Variants in PTPRD observed in about 807,000 individuals in gnomAD.
PTPRD encodes receptor-type tyrosine-protein phosphatase delta.
PTPRD carries 34 observed loss-of-function variants against 214.5 expected under a neutral mutation model. The ratio of observed to expected loss-of-function variants is 0.16; its 90% CI spans 0.12 to 0.21. The LOEUF is 0.21. PTPRD is among the 10% of genes least tolerant of loss of function. PTPRD has a pLI of 1.00. For synonymous variants in PTPRD, 1,128 were observed against 845.7 expected, an observed-to-expected ratio of 1.33 and a Z score of -5.79; for missense variants, 2,545 against 2,398.7, an observed-to-expected ratio of 1.06 and a Z score of -1.27.
intron 7 of PTPRD, among the ~76,000 whole-genome samples, chr9:9,669,860 T>C (rs905622466): frequency 6.6e-6 from 1 of 152,170 alleles, no homozygotes; most frequent in Non-Finnish European, 1.5e-5. Flanking sequence ...CAAATGTCAA[T>C]GATTATAGCC....
chr9:10,296,793 G>A (rs574379150), intron 3 of PTPRD, among the ~76,000 whole-genome samples: 2 of 152,180 alleles, frequency 1.3e-5, no homozygotes, highest in Admixed American at 6.6e-5. Flanking sequence ...GGTTTTCACT[G>A]TCATTGCTTC....
chr9:9,860,787 T>G (rs1057220978), intron 5 of PTPRD, among the ~76,000 whole-genome samples: 9 of 152,182 alleles, frequency 5.9e-5, no homozygotes, highest in Admixed American at 3.3e-4. Context: ...TTGTGTCTAG[T>G]GGTATCCCTT....
At chr9:9,399,273 G>C (rs941210546) in intron 8 of PTPRD, among the ~76,000 whole-genome samples, 1 of 151,908 alleles carries the variant, frequency 6.6e-6, no homozygotes, top group African/African-American at 2.4e-5. Context: ...TAAGAGGGAG[G>C]ACTTTATTAG....
intron 14 of PTPRD, among the ~76,000 whole-genome samples, chr9:8,577,892 C>A (rs552713670): frequency 6.6e-6 from 1 of 152,080 alleles, no homozygotes; most frequent in Non-Finnish European, 1.5e-5. Flanking sequence ...GATTCTGATG[C>A]GTACTGATGT....
intron 4 of PTPRD, among the ~76,000 whole-genome samples, chr9:10,028,533 G>C (rs944042928): frequency 1.6e-4 from 24 of 152,158 alleles, no homozygotes; most frequent in African/African-American, 4.6e-4. Context: ...TAATGATATG[G>C]ATAATGAAAT....
chr9:8,934,819 A>T (rs954939928), intron 11 of PTPRD, among the ~76,000 whole-genome samples: 1 of 151,478 alleles, frequency 6.6e-6, no homozygotes, highest in Non-Finnish European at 1.5e-5. Flanking sequence ...CTGCATCTGT[A>T]TGTTCAGCTT....
intron 21 of PTPRD, among the ~76,000 whole-genome samples, chr9:8,509,579 G>T (rs977105825): frequency 6.6e-6 from 1 of 152,114 alleles, no homozygotes; most frequent in African/African-American, 2.4e-5. Context: ...TGCTTGTTAC[G>T]CATTTCTTCC....
chr9:9,596,878 C>T (rs577321954), intron 7 of PTPRD, among the ~76,000 whole-genome samples: 1 of 152,150 alleles, frequency 6.6e-6, no homozygotes, highest in Non-Finnish European at 1.5e-5. Flanking sequence ...ATATCATTCA[C>T]AGATCACACA....
Position 9,972,666 on chromosome 9 carries a change from C to G in PTPRD, c.-471-34056G>C, listed in dbSNP as rs116411361. On this transcript the variant is annotated intron_variant, in intron 4 of 45. Coordinates refer to ENST00000381196, the MANE Select transcript of PTPRD (RefSeq NM_002839.4). ...AATATCAACCTCACTATGCTAAAGTCAAGGTGTCAGCAAAGCTGGTTCTTT... is the reference window on the plus strand; with the variant it reads ...AATATCAACCTCACTATGCTAAAGTGAAGGTGTCAGCAAAGCTGGTTCTTT... 2.8e-3 allele frequency among the ~76,000 whole-genome samples: 431 copies of G among 152,276 alleles called. 1 individual carries two copies. Among genetic ancestry groups the G allele is most frequent in the African/African-American group, 9.4e-3 (389 of 41,550 alleles).
chr9:8,726,977 A>T (rs1375980417), intron 12 of PTPRD, among the ~76,000 whole-genome samples: 3 of 151,886 alleles, frequency 2.0e-5, no homozygotes, highest in Admixed American at 6.6e-5. Flanking sequence ...CTGTCTCAAA[A>T]AAGAAAGGGA....
chr9:8,366,211 A>G (rs1037071049), intron 39 of PTPRD, among the ~76,000 whole-genome samples: 3 of 152,228 alleles, frequency 2.0e-5, no homozygotes, highest in Non-Finnish European at 4.4e-5. Flanking sequence ...TTTGAGCAAG[A>G]GCAAGTGGCT....
At chr9:9,088,859 T>C (rs780374923) in intron 10 of PTPRD, among the ~76,000 whole-genome samples, 25 of 152,200 alleles carry the variant, frequency 1.6e-4, no homozygotes, top group Admixed American at 1.4e-3. Flanking sequence ...AGTTACTTAA[T>C]GTCTGTAGTC....
intron 2 of PTPRD, among the ~76,000 whole-genome samples, chr9:10,495,310 T>G (rs1251270301): frequency 2.0e-5 from 3 of 151,894 alleles, no homozygotes; most frequent in Middle Eastern, 3.4e-3. Context: ...CACTCAGACT[T>G]GAGAGACATA....
chr9:9,984,971 T>A (rs1320236502), intron 4 of PTPRD, among the ~76,000 whole-genome samples: 1 of 152,160 alleles, frequency 6.6e-6, no homozygotes, highest in Non-Finnish European at 1.5e-5. Flanking sequence ...ATTAACATCA[T>A]GCTCACTATA....
intron 4 of PTPRD, among the ~76,000 whole-genome samples, chr9:9,965,996 C>T (rs979404790): frequency 2.0e-5 from 3 of 152,124 alleles, no homozygotes; most frequent in African/African-American, 4.8e-5. Flanking sequence ...AAAGCAAGCA[C>T]AAAAAGTCAG....
chr9:9,258,442 AT>A (rs1306855572), intron 9 of PTPRD, among the ~76,000 whole-genome samples: 2 of 151,252 alleles, frequency 1.3e-5, no homozygotes, highest in African/African-American at 4.9e-5. Flanking sequence ...AAAAAAAAAA[AT>A]ACAACAGCCA....
At chr9:9,846,614 G>C (rs1669237297) in intron 5 of PTPRD, among the ~76,000 whole-genome samples, 1 of 152,126 alleles carries the variant, frequency 6.6e-6, no homozygotes, top group Non-Finnish European at 1.5e-5. Flanking sequence ...CAGCTAGGTG[G>C]ACTATGTCAA....
At chr9:9,310,291 A>T (rs1375547353) in intron 9 of PTPRD, among the ~76,000 whole-genome samples, 1 of 152,230 alleles carries the variant, frequency 6.6e-6, no homozygotes, top group Admixed American at 6.5e-5. Flanking sequence ...TCAAGGCAGC[A>T]TGATGGAAGA....
intron 8 of PTPRD, among the ~76,000 whole-genome samples, chr9:9,402,406 A>G (rs1265182194): frequency 1.3e-5 from 2 of 152,144 alleles, no homozygotes; most frequent in African/African-American, 4.8e-5. Context: ...ACCACCCACA[A>G]GGACAAAGAA....
Sources: gnomAD v4.1 joint callset for allele counts (sites outside exome capture counted in the v4.1 genomes callset) on GRCh38, gnomAD v4.1.1 for gene constraint, MANE v1.5 for transcripts, NCBI Gene and HGNC (gene_info 2026-07-23, HGNC 2026-07-21) for gene names.